GRIK2: variants seen among roughly 807,000 people sequenced by gnomAD.
The protein encoded by GRIK2 is glutamate ionotropic receptor kainate type subunit 2.
A neutral mutation model predicts 100.3 loss-of-function variants in GRIK2; 32 were observed. That is an observed-to-expected ratio of 0.32 (90% CI 0.24 to 0.43). GRIK2 has a LOEUF of 0.43. GRIK2 is among the 20% of genes least tolerant of loss of function. GRIK2 has a pLI of 1.00. For synonymous variants in GRIK2, 417 were observed against 389.4 expected (o/e 1.07, Z -0.83); for missense variants, 843 against 1,114.9 (o/e 0.76, Z 3.47).
chr6:101,446,738 A>G lies in GRIK2; in HGVS notation c.115+47346A>G, dbSNP rs906180958. On this transcript the variant is annotated intron_variant, in intron 2 of 16. Transcript: ENST00000369134. Reference sequence around the variant, plus strand: ...TCAATATTGCCTTTAAAAATCCTGTACTTTGAAGGATAACTGGATTAAATG... The same window carrying G: ...TCAATATTGCCTTTAAAAATCCTGTGCTTTGAAGGATAACTGGATTAAATG... Among the ~76,000 whole-genome samples, 6 of 151,504 alleles carry G rather than the reference A, an allele frequency of 4.0e-5. No homozygotes were observed. In the Admixed American group the frequency reaches 4.0e-4, roughly 10 times the overall value.
chr6:101,458,369 T>C (rs1362628088), intron 2 of GRIK2, among the ~76,000 whole-genome samples: 1 of 152,236 alleles, frequency 6.6e-6, no homozygotes, highest in Non-Finnish European at 1.5e-5. Flanking sequence ...GGAATACACA[T>C]TCTTTTAATT....
intron 9 of GRIK2, among the ~76,000 whole-genome samples, chr6:101,804,825 C>T (rs554117047): frequency 5.1e-4 from 78 of 151,908 alleles, no homozygotes; most frequent in African/African-American, 1.8e-3. Context: ...TAAAGGACAG[C>T]GGTAAAGTTT....
At chr6:101,556,106 A>G (rs1776722384) in intron 2 of GRIK2, among the ~76,000 whole-genome samples, 1 of 151,904 alleles carries the variant, frequency 6.6e-6, no homozygotes, top group Admixed American at 6.6e-5. Flanking sequence ...ATGCGTCTCT[A>G]AATTGCAAAT....
intron 2 of GRIK2, among the ~76,000 whole-genome samples, chr6:101,479,749 C>T (rs1772431249): frequency 6.6e-6 from 1 of 152,128 alleles, no homozygotes; most frequent in African/African-American, 2.4e-5. Context: ...GCTTACATGT[C>T]TTTTTAACCT....
At chr6:101,813,180 CTTG>C (rs1320578655) in intron 9 of GRIK2, among the ~76,000 whole-genome samples, 1 of 151,804 alleles carries the variant, frequency 6.6e-6, no homozygotes, top group Non-Finnish European at 1.5e-5. Flanking sequence ...CACATATGTA[CTTG>C]TTGAGATTTA....
At chr6:102,006,386 A>ATTTT (rs201845048) in intron 14 of GRIK2, among the ~76,000 whole-genome samples, 2 of 111,224 alleles carry the variant, frequency 1.8e-5, no homozygotes, top group African/African-American at 1.2e-4. Flanking sequence ...ATATATATAT[A>ATTTT]TATATTTTTT....
chr6:101,981,009 C>A (rs1436083289), intron 14 of GRIK2, among the ~76,000 whole-genome samples: 1 of 150,662 alleles, frequency 6.6e-6, no homozygotes, highest in East Asian at 2.0e-4. Context: ...GGCTTATTCC[C>A]AGGCAACAGA....
rs967613832 is a variant in GRIK2, at chr6:102,015,318, G to A, written c.2086-20023G>A. Among the ~76,000 whole-genome samples, 4 of 151,778 alleles carry A rather than the reference G, an allele frequency of 2.6e-5. No homozygotes were observed. The East Asian group carries it at 7.7e-4, about 29-fold the overall frequency. On this transcript the variant is annotated intron_variant, in intron 14 of 16. Coordinates refer to ENST00000369134, the MANE Select transcript of GRIK2 (RefSeq NM_021956.5). ...ATTTTTCTCCATCCCTTTATTTTGA[G>A]CCAGTTACTGTGATTGCATGTGAAA...
intron 12 of GRIK2, among the ~76,000 whole-genome samples, chr6:101,916,526 TAG>T (rs1789117767): frequency 6.6e-6 from 1 of 151,618 alleles, no homozygotes; most frequent in South Asian, 2.1e-4. Flanking sequence ...AGGAATAAAT[TAG>T]ATCATAGGAA....
intron 2 of GRIK2, among the ~76,000 whole-genome samples, chr6:101,497,966 A>G (rs1281265687): frequency 6.7e-6 from 1 of 150,258 alleles, no homozygotes; most frequent in Non-Finnish European, 1.5e-5. Context: ...TGCTGCACCC[A>G]TTAACTCATC....
chr6:101,500,747 T>C (rs2128273298), intron 2 of GRIK2, among the ~76,000 whole-genome samples: 1 of 152,210 alleles, frequency 6.6e-6, no homozygotes, highest in Admixed American at 6.5e-5. Context: ...TGTATTTATG[T>C]TTATTGACTT....
chr6:101,618,897 A>C (rs1479227894), intron 2 of GRIK2, among the ~76,000 whole-genome samples: 1 of 150,906 alleles, frequency 6.6e-6, no homozygotes, highest in Non-Finnish European at 1.5e-5. Context: ...TATAAAATTT[A>C]CTGTTCATTC....
At chr6:101,640,195 A>G (rs1030242986) in intron 4 of GRIK2, among the ~76,000 whole-genome samples, 5 of 152,292 alleles carry the variant, frequency 3.3e-5, no homozygotes, top group Admixed American at 1.3e-4. Context: ...GCAAATCTCT[A>G]TGATTCAGTA....
intron 14 of GRIK2, among the ~76,000 whole-genome samples, chr6:102,021,612 G>A (rs573225020): frequency 2.1e-4 from 32 of 151,468 alleles, no homozygotes; most frequent in Admixed American, 7.9e-4. Context: ...TTTACTGTTT[G>A]TTCTTTTAGA....
At chr6:101,441,168 CT>C (rs900243910) in intron 2 of GRIK2, among the ~76,000 whole-genome samples, 3 of 151,936 alleles carry the variant, frequency 2.0e-5, no homozygotes, top group African/African-American at 7.2e-5. Context: ...TTTGTGTTCT[CT>C]TCCAGCTCAG....
chr6:102,062,025 ATT>A (rs35074221), intron 16 of GRIK2, among the ~76,000 whole-genome samples: 1 of 146,172 alleles, frequency 6.8e-6, no homozygotes, highest in Non-Finnish European at 1.5e-5. Context: ...GTCAGACCTT[ATT>A]TTTTTTTTTA....
At position 101,808,177 on chromosome 6, in the gene GRIK2, G is replaced by A. The variant is rs185335371; in HGVS notation, c.1203+5739G>A. Among the ~76,000 whole-genome samples, 565 of 152,060 alleles carry A rather than the reference G, an allele frequency of 3.7e-3. 1 individual carries two copies. The highest frequency in any genetic ancestry group is 0.014 in the South Asian group (69 of 4,826). On this transcript the variant is annotated intron_variant, in intron 9 of 16. Coordinates refer to ENST00000369134, the MANE Select transcript of GRIK2 (RefSeq NM_021956.5). ...AAGATGTTACAGAAATATTCAGGAA[G>A]ATCTTAGACTGTAACTTCAAAAGGA...
At chr6:101,552,475 T>G (rs1467960144) in intron 2 of GRIK2, among the ~76,000 whole-genome samples, 1 of 152,158 alleles carries the variant, frequency 6.6e-6, no homozygotes, top group African/African-American at 2.4e-5. Flanking sequence ...AGGGAGCCCC[T>G]CCTAACCCTG....
intron 4 of GRIK2, among the ~76,000 whole-genome samples, chr6:101,645,055 G>A (rs1432318433): frequency 6.6e-6 from 1 of 151,408 alleles, no homozygotes; most frequent in African/African-American, 2.4e-5. Flanking sequence ...CAATAAACTT[G>A]CCTGTTGTTT....
Sources: gnomAD v4.1 joint callset for allele counts (sites outside exome capture counted in the v4.1 genomes callset) on GRCh38, gnomAD v4.1.1 for gene constraint, MANE v1.5 for transcripts, NCBI Gene and HGNC (gene_info 2026-07-23, HGNC 2026-07-21) for gene names.